DMD: variants seen among roughly 807,000 people sequenced by gnomAD.
DMD encodes mutant dystrophin.
In DMD, 63 loss-of-function variants were observed where a neutral mutation model predicts 330.1. The ratio of observed to expected loss-of-function variants is 0.19; its 90% CI spans 0.16 to 0.24. DMD has a LOEUF of 0.24. Among genes scored for constraint, DMD ranks in the 10% least tolerant of loss-of-function variants. The pLI is 1.00. For missense variants in DMD, 3,344 were observed against 2,684.1 expected (o/e 1.25, Z -5.43); for synonymous variants, 1,223 against 959.8 (o/e 1.27, Z -5.07).
chrX:32,052,000 A>G (rs755554982), intron 44 of DMD, among the ~76,000 whole-genome samples: 1 of 112,261 alleles, frequency 8.9e-6, no homozygotes, highest in South Asian at 3.6e-4. Context: ...TTTTGAAGTA[A>G]TTTGGGAAAT....
intron 7 of DMD, among the ~76,000 whole-genome samples, chrX:32,725,495 T>C (rs761915566): frequency 1.8e-5 from 2 of 110,896 alleles, no homozygotes; most frequent in Admixed American, 1.9e-4. Context: ...GTGGCTGTAC[T>C]TTTTTCAGAC....
In DMD at chrX:32,048,037, T is replaced by C. The variant is rs2096075719; in HGVS notation, c.6439-79523A>G. 1.9e-5 allele frequency among the ~76,000 whole-genome samples: 2 copies of C among 106,007 alleles called. 1 individual carries two copies. The highest frequency in any genetic ancestry group is 6.9e-5 in the African/African-American group (2 of 29,062). The allele number at this position is 106,007 out of a possible 115,157, so 92.1% of individuals were successfully genotyped here. A position where few individuals can be genotyped will look rare whatever the true frequency, so the allele number is the denominator to read the frequency against. ...CTGCCACTAATATTTATCATTATCTTATGAACAGGTCTGTGCATTGAAATA... is the reference window on the plus strand; with the variant it reads ...CTGCCACTAATATTTATCATTATCTCATGAACAGGTCTGTGCATTGAAATA... On this transcript the variant is annotated intron_variant, in intron 44 of 78. Transcript: ENST00000357033.
At chrX:31,858,591 T>TAA (rs5901996) in intron 48 of DMD, among the ~76,000 whole-genome samples, 33 of 106,771 alleles carry the variant, frequency 3.1e-4, no homozygotes, top group African/African-American at 9.9e-4. Flanking sequence ...TAAAGTATAA[T>TAA]AAAAAAAATA....
chrX:33,074,950 T>A (rs1218457901), intron 1 of DMD, among the ~76,000 whole-genome samples: 1 of 111,628 alleles, frequency 9.0e-6, no homozygotes, highest in Non-Finnish European at 1.9e-5. Context: ...ACAATAGCCC[T>A]TCCCCAAAAC....
chrX:32,124,833 G>A (rs547137666), intron 44 of DMD, among the ~76,000 whole-genome samples: 4 of 110,517 alleles, frequency 3.6e-5, no homozygotes, highest in South Asian at 7.8e-4. Flanking sequence ...AGTGACAACC[G>A]ATCAAGACCG....
At chrX:32,758,264 T>TA (rs1395301747) in intron 7 of DMD, among the ~76,000 whole-genome samples, 1 of 111,564 alleles carries the variant, frequency 9.0e-6, no homozygotes, top group Non-Finnish European at 1.9e-5. Context: ...ACTGAACTCT[T>TA]AGAGAGCAGT....
chrX:33,233,065 G>T (rs1328953242), intron 1 of DMD, among the ~76,000 whole-genome samples: 1 of 111,040 alleles, frequency 9.0e-6, no homozygotes, highest in Non-Finnish European at 1.9e-5. Flanking sequence ...TTTCAAAATT[G>T]CTGAAATAGT....
At chrX:33,279,193 CGAAAATT>C (rs2053282817) in intron 1 of DMD, among the ~76,000 whole-genome samples, 1 of 111,597 alleles carries the variant, frequency 9.0e-6, no homozygotes, top group East Asian at 2.8e-4. Context: ...CAATAAATTT[CGAAAATT>C]GAAATAAAAG....
At chrX:32,378,196 T>A (rs2147434969) in intron 34 of DMD, among the ~76,000 whole-genome samples, 1 of 110,539 alleles carries the variant, frequency 9.0e-6, no homozygotes, top group South Asian at 3.8e-4. Flanking sequence ...CTTGGTTTTG[T>A]CTTTTAGGAA....
intron 2 of DMD, among the ~76,000 whole-genome samples, chrX:33,016,628 C>T (rs1037069210): frequency 3.6e-5 from 4 of 111,314 alleles, no homozygotes; most frequent in Non-Finnish European, 7.5e-5. Flanking sequence ...AACATGCATA[C>T]TATGTTGGAA....
intron 7 of DMD, among the ~76,000 whole-genome samples, chrX:32,763,357 T>C (rs2072567382): frequency 8.9e-6 from 1 of 112,185 alleles, no homozygotes; most frequent in Admixed American, 9.5e-5. Flanking sequence ...TATAGTTATG[T>C]TTTAGTTTAA....
At chrX:32,451,804 T>C (rs1055455604) in intron 26 of DMD, among the ~76,000 whole-genome samples, 1 of 110,669 alleles carries the variant, frequency 9.0e-6, no homozygotes, top group South Asian at 3.8e-4. Context: ...AAAGAAACTG[T>C]CTTGAGTAGC....
chrX:32,191,430 A>C (rs2096975105), intron 44 of DMD, among the ~76,000 whole-genome samples: 1 of 112,148 alleles, frequency 8.9e-6, no homozygotes, highest in South Asian at 3.7e-4. Context: ...GTAAGATTTG[A>C]CTGTTTATTC....
chrX:31,325,004 C>T (rs1046553323), intron 61 of DMD, among the ~76,000 whole-genome samples: 1 of 112,007 alleles, frequency 8.9e-6, no homozygotes, highest in Non-Finnish European at 1.9e-5. Flanking sequence ...GTCATTTAAA[C>T]GATATAGGAA....
At chrX:32,211,836 A>C (rs2097094873) in intron 44 of DMD, among the ~76,000 whole-genome samples, 2 of 112,204 alleles carry the variant, frequency 1.8e-5, no homozygotes, top group Non-Finnish European at 3.8e-5. Context: ...CATTAATAAA[A>C]ATATTCAGCT....
intron 43 of DMD, among the ~76,000 whole-genome samples, chrX:32,255,526 C>A (rs2097294958): frequency 9.0e-6 from 1 of 111,102 alleles, no homozygotes; most frequent in African/African-American, 3.3e-5. Context: ...TTGTTCCTTA[C>A]AGAATAAGTT....
At chrX:32,284,632 T>A (rs1284452853) in intron 43 of DMD, among the ~76,000 whole-genome samples, 2 of 112,075 alleles carry the variant, frequency 1.8e-5, no homozygotes, top group Non-Finnish European at 3.8e-5. Flanking sequence ...ATAGACACTA[T>A]TCTTATCCTA....
At chrX:31,967,607 T>G (rs1054440382) in intron 45 of DMD, among the ~76,000 whole-genome samples, 2 of 111,252 alleles carry the variant, frequency 1.8e-5, no homozygotes, top group African/African-American at 6.5e-5. Flanking sequence ...AAGTTTTCAT[T>G]GTTCATAACA....
intron 48 of DMD, among the ~76,000 whole-genome samples, chrX:31,861,611 TTAAC>T (rs1283182300): frequency 9.8e-6 from 1 of 102,204 alleles, no homozygotes; most frequent in African/African-American, 3.6e-5. Flanking sequence ...AGACAGTTCT[TTAAC>T]TACTAATACA....
Sources: allele counts gnomAD v4.1 joint callset (sites outside exome capture counted in the v4.1 genomes callset), GRCh38; gene constraint gnomAD v4.1.1; transcripts MANE v1.5; gene names NCBI Gene and HGNC (gene_info 2026-07-23, HGNC 2026-07-21).